Variants in MEMO1 observed in about 807,000 individuals in gnomAD.
MEMO1 encodes protein MEMO1.
Under a neutral mutation model 45.2 loss-of-function variants are expected in MEMO1, and 6 were observed. That is an observed-to-expected ratio of 0.13 (90% confidence interval 0.07 to 0.26). MEMO1 has a LOEUF of 0.26. MEMO1 is among the 10% of genes least tolerant of loss of function. The probability of loss-of-function intolerance (pLI) is 1.00; values close to 1 mark genes in which losing one functional copy is unlikely to be tolerated. For missense variants in MEMO1, 184 were observed against 370.5 expected (o/e 0.50, Z 4.13); for synonymous variants, 78 against 124.3 (o/e 0.63, Z 2.48).
intron 3 of MEMO1, among the ~76,000 whole-genome samples, chr2:31,933,317 TAAAAAAAAAAAA>T (rs34487390): frequency 1.5e-3 from 36 of 24,100 alleles, no homozygotes; most frequent in African/African-American, 4.5e-3. Flanking sequence ...ACCACCTCTT[TAAAAAAAAAAAA>T]AAAAAAAAAA....
At chr2:31,927,810 A>C (rs1019995167) in intron 4 of MEMO1, among the ~76,000 whole-genome samples, 3 of 152,186 alleles carry the variant, frequency 2.0e-5, no homozygotes, top group Non-Finnish European at 4.4e-5. Flanking sequence ...CCACAAAGGT[A>C]GATGTGGTCT....
At chr2:31,902,926 C>A (rs188548601) in intron 6 of MEMO1, among the ~76,000 whole-genome samples, 1 of 151,866 alleles carries the variant, frequency 6.6e-6, no homozygotes, top group Non-Finnish European at 1.5e-5. Flanking sequence ...ATTCTAAATT[C>A]TAATTCTAAC....
intron 2 of MEMO1, among the ~76,000 whole-genome samples, chr2:32,005,297 G>A (rs1483585736): frequency 7.2e-6 from 1 of 138,240 alleles, no homozygotes; most frequent in Non-Finnish European, 1.5e-5. Flanking sequence ...TCTAGCCTGG[G>A]TGACAGAGAG....
chr2:31,870,461 A>G (rs1182948761), intron 8 of MEMO1, among the ~76,000 whole-genome samples: 1 of 152,222 alleles, frequency 6.6e-6, no homozygotes, highest in Non-Finnish European at 1.5e-5. Flanking sequence ...CATGTAAGGT[A>G]TTTTAAATCA....
intron 3 of MEMO1, among the ~76,000 whole-genome samples, chr2:31,938,879 C>T (rs1387815351): frequency 1.3e-5 from 2 of 150,932 alleles, no homozygotes; most frequent in African/African-American, 4.9e-5. Context: ...CCCAACCTCC[C>T]GGGCTCAAGT....
At chr2:31,931,307 T>C (rs1041738904) in intron 4 of MEMO1, among the ~76,000 whole-genome samples, 1 of 152,204 alleles carries the variant, frequency 6.6e-6, no homozygotes, top group Non-Finnish European at 1.5e-5. Flanking sequence ...CTATTTCTTT[T>C]GAATAACTAT....
Position 31,960,130 on chromosome 2 carries a change from G to T in MEMO1, c.62-16747C>A, listed in dbSNP as rs115184974. Among the ~76,000 whole-genome samples, 1,248 of 151,746 alleles carry T rather than the reference G, an allele frequency of 8.2e-3. 23 individuals are homozygous for T. The highest frequency in any genetic ancestry group is 0.028 in the African/African-American group (1,170 of 41,346). ...GAGAACTGCTTGGACCTAGGAGGCAGAAGTTGCAGTGAGTCGATATCACGC... is the reference window on the plus strand; with the variant it reads ...GAGAACTGCTTGGACCTAGGAGGCATAAGTTGCAGTGAGTCGATATCACGC... On this transcript the variant is annotated intron_variant, in intron 2 of 9. Transcript: ENST00000404530.
In MEMO1 at chr2:31,885,782, T is replaced by C. The variant is rs181506469; in HGVS notation, c.581-2320A>G. 3.0e-3 allele frequency among the ~76,000 whole-genome samples: 450 copies of C among 152,320 alleles called. 2 individuals are homozygous for C. Among genetic ancestry groups the C allele is most frequent in the Non-Finnish European group, 4.2e-3 (284 of 68,030 alleles). ...TAAGCCCTGAAACTGGGACATAATC[T>C]ACTGCTACTCCCAGGTTCAGAGAAA... On this transcript the variant is annotated intron_variant, in intron 7 of 9. Coordinates refer to ENST00000404530, the MANE Select transcript of MEMO1 (RefSeq NM_001301833.4).
At chr2:32,007,681 C>T (rs1329755179) in intron 2 of MEMO1, among the ~76,000 whole-genome samples, 2 of 152,176 alleles carry the variant, frequency 1.3e-5, no homozygotes, top group African/African-American at 2.4e-5. Flanking sequence ...TCCACAAACA[C>T]CTCTCCATCT....
intron 2 of MEMO1, among the ~76,000 whole-genome samples, chr2:32,008,733 T>C (rs1674415198): frequency 6.6e-6 from 1 of 152,240 alleles, no homozygotes; most frequent in Non-Finnish European, 1.5e-5. Flanking sequence ...TAAAATGTCA[T>C]ATTTGCTTAA....
chr2:31,944,496 T>A (rs67550529), intron 2 of MEMO1, among the ~76,000 whole-genome samples: 16 of 152,054 alleles, frequency 1.1e-4, no homozygotes, highest in Admixed American at 3.9e-4. Flanking sequence ...TCACCCTAAA[T>A]TGAGAAGATA....
At chr2:32,004,529 T>C (rs1457078048) in intron 2 of MEMO1, among the ~76,000 whole-genome samples, 1 of 152,116 alleles carries the variant, frequency 6.6e-6, no homozygotes, top group Non-Finnish European at 1.5e-5. Context: ...CAATACCAAG[T>C]GTTAGCAAAG....
intron 2 of MEMO1, among the ~76,000 whole-genome samples, chr2:32,009,094 C>T (rs1240652571): frequency 6.6e-6 from 1 of 151,858 alleles, no homozygotes; most frequent in African/African-American, 2.4e-5. Flanking sequence ...TGAAAATAAT[C>T]CCAGAAAACA....
intron 2 of MEMO1, among the ~76,000 whole-genome samples, chr2:31,963,728 C>G (rs1354352340): frequency 5.3e-5 from 8 of 152,086 alleles, no homozygotes. Flanking sequence ...TAGCACCACA[C>G]CAAGAGAGTC....
chr2:32,008,221 C>G (rs1442591480), intron 2 of MEMO1, among the ~76,000 whole-genome samples: 1 of 152,188 alleles, frequency 6.6e-6, no homozygotes, highest in Non-Finnish European at 1.5e-5. Context: ...AAAGAATGTT[C>G]AAGAATCTAT....
At chr2:31,979,601 C>T (rs977432006) in intron 2 of MEMO1, among the ~76,000 whole-genome samples, 2 of 152,062 alleles carry the variant, frequency 1.3e-5, no homozygotes, top group Non-Finnish European at 2.9e-5. Flanking sequence ...ATGCCTTGAA[C>T]TATACATTTA....
chr2:32,004,851 C>T (rs1358085567), intron 2 of MEMO1, among the ~76,000 whole-genome samples: 3 of 151,410 alleles, frequency 2.0e-5, no homozygotes, highest in Non-Finnish European at 4.4e-5. Context: ...TGCTTGAACC[C>T]GGGAGGCAGA....
chr2:31,996,031 C>T (rs760599678), intron 2 of MEMO1, among the ~76,000 whole-genome samples: 121 of 152,042 alleles, frequency 8.0e-4, no homozygotes, highest in Non-Finnish European at 1.3e-3. Flanking sequence ...TAAAGAAGGG[C>T]GTAACGATAG....
Position 31,904,542 on chromosome 2 carries a change from G to A in MEMO1, c.438-12408C>T, listed in dbSNP as rs186929179. Among the ~76,000 whole-genome samples, 275 of 152,298 alleles carry A rather than the reference G, an allele frequency of 1.8e-3. 2 individuals are homozygous for A. The highest frequency in any genetic ancestry group is 4.0e-3 in the African/African-American group (165 of 41,560). ...CACCTGTAACTGGATTCTAGAGCACGCAACCTAGATCCCTCACATGTGCAG... is the reference window on the plus strand; with the variant it reads ...CACCTGTAACTGGATTCTAGAGCACACAACCTAGATCCCTCACATGTGCAG... On this transcript the variant is annotated intron_variant, in intron 6 of 9. Transcript: ENST00000404530.
Sources: allele counts gnomAD v4.1 joint callset (sites outside exome capture counted in the v4.1 genomes callset), GRCh38; gene constraint gnomAD v4.1.1; transcripts MANE v1.5; gene names NCBI Gene and HGNC (gene_info 2026-07-23, HGNC 2026-07-21).